ISCU: variants seen among roughly 807,000 people sequenced by gnomAD.
ISCU encodes the protein iron-sulfur cluster assembly enzyme.
A neutral mutation model predicts 18.4 loss-of-function variants in ISCU; 13 were observed. The observed-to-expected ratio is 0.71, with a 90% CI of 0.46 to 1.12. The LOEUF (loss-of-function observed/expected upper bound fraction) is 1.12. ISCU is among the 50% of genes most tolerant of loss of function. ISCU has a pLI of 0.00. For synonymous variants in ISCU, 104 were observed against 87.5 expected (o/e 1.19, Z -1.06); for missense variants, 229 against 208.7 (o/e 1.10, Z -0.60).
chr12:108,564,307 A>C lies in ISCU; in HGVS notation c.143A>C (p.Asn48Thr). ...GTTGATCATTATGAAAATCCTAGAA[A>C]CGTGGGGTCCCTTGACAAGACATCT... is the stretch of plus-strand genomic sequence containing the variant. ...KVVDHYENPR[N>T]VGSLDKTSKN... Residue 48 changes from asparagine to threonine, a missense_variant, in exon 2 of 5, where the codon AAC (asparagine) becomes ACC (threonine). Coordinates refer to ENST00000311893, the MANE Select transcript of ISCU (RefSeq NM_213595.4). The C allele has an allele frequency of 5.0e-6, 8 of 1,614,110 alleles. No individual in the cohort carries two copies. The highest frequency in any genetic ancestry group is 4.2e-6 in the Non-Finnish European group (5 of 1,179,950).
At chr12:108,568,470 G>A in intron 4 of ISCU, 1 of 1,164,862 alleles carries the variant, frequency 8.6e-7, no homozygotes, top group Non-Finnish European at 1.1e-6. Context: ...CAGGCAAGAA[G>A]TAACATTTCC....
chr12:108,567,822 A>T, intron 4 of ISCU: 3 of 1,488,492 alleles, frequency 2.0e-6, no homozygotes, highest in Non-Finnish European at 2.7e-6. Context: ...CTGCTATCCT[A>T]AAAAAAAGCC....
chr12:108,569,300 ATTG>A lies in ISCU; in HGVS notation c.*389_*391del, dbSNP rs771936302. The A allele has an allele frequency of 3.1e-5, 6 of 192,368 alleles. No homozygotes were observed. Among genetic ancestry groups the A allele is most frequent in the African/African-American group, 1.1e-4 (3 of 28,518 alleles). The allele number at this position is 192,368 out of a possible 1,614,324, so 11.9% of individuals were successfully genotyped here. A position where few individuals can be genotyped will look rare whatever the true frequency, so the allele number is the denominator to read the frequency against. Reference sequence around the variant, plus strand: ...TTGGTCTGAATATTTGATAGAACCAATTGTTGTACATAAAACAGATTGCGCATA... The same window carrying A: ...TTGGTCTGAATATTTGATAGAACCAATTGTACATAAAACAGATTGCGCATA... On this transcript the variant is annotated 3_prime_UTR_variant, in exon 5 of 5. Transcript: ENST00000311893.
At chr12:108,565,098 AT>A in intron 2 of ISCU, 1 of 577,042 alleles carries the variant, frequency 1.7e-6, no homozygotes, top group South Asian at 2.2e-5. Context: ...GGAGGGACAT[AT>A]TTTTCAGCTG....
intron 1 of ISCU, chr12:108,563,019 GTCTT>G (rs2030694209): frequency 7.4e-6 from 2 of 271,824 alleles, no homozygotes; most frequent in African/African-American, 2.2e-5. Flanking sequence ...GTTGGGACTT[GTCTT>G]TCTGAGTCCA....
Position 108,562,710 on chromosome 12 carries a change from G to T in ISCU, c.88G>T (p.Ala30Ser). 1 of 1,488,052 alleles carries T rather than the reference G, an allele frequency of 6.7e-7. No homozygotes were observed. The allele number at this position is 1,488,052 out of a possible 1,614,324, so 92.2% of individuals were successfully genotyped here. Residue 30 changes from alanine (A) to serine (S), a missense_variant, in exon 1 of 5, where the codon GCC (alanine) becomes TCC (serine). By Grantham distance (99) the Ala-to-Ser change is moderately conservative. Coordinates refer to ENST00000311893, the MANE Select transcript of ISCU (RefSeq NM_213595.4). ...CCGCCTGCCCGCCCGGGAGCTGTCG[G>T]CCCCGGCCCGACTCTATCACAAGAA... Reference protein sequence around the residue: ...SPRLPARELSAPARLYHKKVV... With the variant: ...SPRLPARELSSPARLYHKKVV...
At chr12:108,567,763 C>T in intron 4 of ISCU, 1 of 1,535,676 alleles carries the variant, frequency 6.5e-7, no homozygotes, top group Non-Finnish European at 8.7e-7. Context: ...TCGGGGTCTG[C>T]ATCTGTATAT....
chr12:108,561,853 T>C (rs2030580248), upstream of ISCU, among the ~76,000 whole-genome samples: 1 of 152,218 alleles, frequency 6.6e-6, no homozygotes, highest in Non-Finnish European at 1.5e-5. Context: ...TCATTTTTTT[T>C]CAATCAGGAC....
Position 108,563,579 on chromosome 12 carries a change from G to GAA in ISCU, c.115-700_115-699insAA, listed in dbSNP as rs1465312390. 2.4e-4 allele frequency: 49 copies of GAA among 205,514 alleles called. 1 individual carries two copies. The highest frequency in any genetic ancestry group is 1.9e-3 in the East Asian group (16 of 8,444). 12.7% of individuals were successfully genotyped at this position (205,514 alleles called of 1,614,324 possible). ...AGTAACCAAACCTCAAGGTTATTAA[G>GAA]GCCTTCTGTGTGCCAGTTCGAATGG... On this transcript the variant is annotated intron_variant, in intron 1 of 4. Transcript: ENST00000311893.
intron 3 of ISCU, among the ~76,000 whole-genome samples, chr12:108,566,529 T>C (rs953368317): frequency 1.3e-5 from 2 of 152,054 alleles, no homozygotes; most frequent in African/African-American, 2.4e-5. Context: ...AGTCAAAGAG[T>C]CTGGCTGTTG....
At chr12:108,566,010 G>A (rs1441347040) in intron 3 of ISCU, among the ~76,000 whole-genome samples, 1 of 152,256 alleles carries the variant, frequency 6.6e-6, no homozygotes, top group African/African-American at 2.4e-5. Context: ...TTCCCTGGTA[G>A]CTGCAGAGGT....
intron 4 of ISCU, chr12:108,567,891 C>A: frequency 1.4e-6 from 2 of 1,419,026 alleles, no homozygotes. Flanking sequence ...AAATCTAATG[C>A]TTTTTCCATC....
intron 3 of ISCU, among the ~76,000 whole-genome samples, chr12:108,566,508 A>G (rs2030904477): frequency 6.6e-6 from 1 of 152,256 alleles, no homozygotes. Context: ...GGGAAACTGA[A>G]TGATAGACAT....
In ISCU at chr12:108,569,234, T is replaced by G; in HGVS notation, c.*318T>G. The stretch of plus-strand genomic sequence containing the variant: ...CCGTGAAGTGCATAAGTATCTAATT[T>G]TACCTGAATTGATTTGGGGGGAAAT... On this transcript the variant is annotated 3_prime_UTR_variant, in exon 5 of 5. Transcript: ENST00000311893. 5.9e-6 allele frequency: 2 copies of G among 340,896 alleles called. No homozygotes were observed. Among genetic ancestry groups the G allele is most frequent in the South Asian group, 6.1e-5 (2 of 33,038 alleles). 21.1% of individuals were successfully genotyped at this position (340,896 alleles called of 1,614,324 possible). A position where few individuals can be genotyped will look rare whatever the true frequency, so the allele number is the denominator to read the frequency against.
intron 3 of ISCU, among the ~76,000 whole-genome samples, chr12:108,566,704 G>A (rs930959283): frequency 1.3e-5 from 2 of 152,168 alleles, no homozygotes; most frequent in African/African-American, 2.4e-5. Flanking sequence ...GAGAGCATTC[G>A]GCCTGACTCG....
intron 1 of ISCU, 143 bp downstream of exon 1, chr12:108,562,879 T>A (rs930975679): frequency 4.5e-6 from 2 of 440,424 alleles, no homozygotes; most frequent in Non-Finnish European, 7.8e-6. Context: ...TGCTGCGCAG[T>A]GAGGCTCACT....
intron 4 of ISCU, chr12:108,568,558 CTA>C: frequency 7.5e-7 from 1 of 1,331,442 alleles, no homozygotes; most frequent in Non-Finnish European, 9.7e-7. Context: ...TATCCCAGTT[CTA>C]TAGAAGAGAA....
chr12:108,563,571 GTTA>G lies in ISCU; in HGVS notation c.115-704_115-702del, dbSNP rs1269728575. ...TACTAACCAGTAACCAAACCTCAAG[GTTA>G]TTAAGGCCTTCTGTGTGCCAGTTCG... On this transcript the variant is annotated intron_variant, in intron 1 of 4. Coordinates refer to ENST00000311893, the MANE Select transcript of ISCU (RefSeq NM_213595.4). The G allele has an allele frequency of 2.5e-4, 49 of 196,654 alleles. 1 individual carries two copies. Among genetic ancestry groups the G allele is most frequent in the East Asian group, 2.0e-3 (16 of 8,052 alleles). 12.2% of individuals were successfully genotyped at this position (196,654 alleles called of 1,614,324 possible). A position where few individuals can be genotyped will look rare whatever the true frequency, so the allele number is the denominator to read the frequency against.
chr12:108,568,138 G>T, intron 4 of ISCU: 1 of 1,351,576 alleles, frequency 7.4e-7, no homozygotes, highest in Non-Finnish European at 9.5e-7. Context: ...ATAAAGAAAG[G>T]TCATCACTTG....
Sources: allele counts gnomAD v4.1 joint callset (sites outside exome capture counted in the v4.1 genomes callset), GRCh38; gene constraint gnomAD v4.1.1; transcripts MANE v1.5; gene names NCBI Gene and HGNC (gene_info 2026-07-23, HGNC 2026-07-21).